The following CTNNA2 variants were observed in gnomAD, a reference collection of about 807,000 sequenced individuals.
The protein encoded by CTNNA2 is catenin alpha-2.
A neutral mutation model predicts 101.0 loss-of-function variants in CTNNA2; 42 were observed. That is an observed-to-expected ratio of 0.42 (90% confidence interval 0.32 to 0.54). The LOEUF is 0.54. Among genes scored for constraint, CTNNA2 ranks in the 20% least tolerant of loss-of-function variants. The pLI is 0.14. For synonymous variants in CTNNA2, 450 were observed against 456.4 expected, an observed-to-expected ratio of 0.99 and a Z score of 0.18; for missense variants, 871 against 1,223.1, an observed-to-expected ratio of 0.71 and a Z score of 4.29.
chr2:79,233,260 T>A (rs1248221569), intron 2 of CTNNA2, among the ~76,000 whole-genome samples: 2 of 152,220 alleles, frequency 1.3e-5, no homozygotes, highest in South Asian at 4.1e-4. Context: ...TGTGTCTCTA[T>A]ATTCATTAAT....
chr2:80,279,668 G>T (rs148893684), intron 7 of CTNNA2, among the ~76,000 whole-genome samples: 2 of 152,252 alleles, frequency 1.3e-5, no homozygotes, highest in Non-Finnish European at 2.9e-5. Flanking sequence ...TGTATCAATA[G>T]AGTCAATTTC....
At chr2:79,998,014 C>G (rs1321043027) in intron 7 of CTNNA2, among the ~76,000 whole-genome samples, 1 of 152,068 alleles carries the variant, frequency 6.6e-6, no homozygotes, top group Non-Finnish European at 1.5e-5. Context: ...ACACTAAAAT[C>G]CTAATTAAAT....
rs377231458 is a variant in CTNNA2 at position 80,303,028 on chromosome 2, C to A, written c.1057-90183C>A. 2.5e-6 allele frequency: 4 copies of A among 1,613,714 alleles called. No homozygotes were observed. The highest frequency in any genetic ancestry group is 1.1e-5 in the South Asian group (1 of 91,062). ...GCTCCATGTACTCGATCTCGTTGCC[C>A]GACAAGTCCATTTTCTCCAGGTTCC... On this transcript the variant is annotated intron_variant, in intron 7 of 18. Transcript: ENST00000402739. The surrounding 1 kb of genome is among the most constrained non-coding windows in gnomAD (Gnocchi z 7.7).
chr2:79,848,596 T>C (rs1449175804), intron 3 of CTNNA2, among the ~76,000 whole-genome samples: 1 of 152,196 alleles, frequency 6.6e-6, no homozygotes, highest in Non-Finnish European at 1.5e-5. Flanking sequence ...ATACGGTTAA[T>C]GATCTGTGCC....
intron 3 of CTNNA2, among the ~76,000 whole-genome samples, chr2:79,760,865 C>T (rs1672741857): frequency 6.6e-6 from 1 of 152,082 alleles, no homozygotes; most frequent in Non-Finnish European, 1.5e-5. Context: ...CTTGTCCTAC[C>T]AAATGGAGGC....
chr2:80,558,401 C>A (rs1693232964), intron 12 of CTNNA2, among the ~76,000 whole-genome samples: 1 of 151,744 alleles, frequency 6.6e-6, no homozygotes. Context: ...TGAGGATGAC[C>A]ACAGGATCAG....
chr2:79,409,291 C>G (rs1049836886), intron 4 of CTNNA2, among the ~76,000 whole-genome samples: 1 of 152,090 alleles, frequency 6.6e-6, no homozygotes, highest in Non-Finnish European at 1.5e-5. Flanking sequence ...TGTGCAGAAG[C>G]ACTTTAGTTT....
intron 7 of CTNNA2, among the ~76,000 whole-genome samples, chr2:80,340,982 CA>C (rs1472794186): frequency 6.6e-6 from 1 of 152,014 alleles, no homozygotes; most frequent in Non-Finnish European, 1.5e-5. Context: ...TTAACTTTAC[CA>C]GTTTATTATA....
At chr2:79,678,899 A>G (rs1286415669) in intron 2 of CTNNA2, among the ~76,000 whole-genome samples, 1 of 152,116 alleles carries the variant, frequency 6.6e-6, no homozygotes, top group Non-Finnish European at 1.5e-5. Context: ...AGCTCCTTAA[A>G]ATCTACAGCA....
rs554199189 is a variant in CTNNA2 at position 79,485,000 on chromosome 2, T to C, written c.-134-20054T>C. ...TTCCAGAACATACTACATTGTTACA[T>C]AGAAAGAGCTAGAAATAAAACAGAT... is the stretch of plus-strand genomic sequence containing the variant. On this transcript the variant is annotated intron_variant, in intron 4 of 21. Transcript: ENST00000466387. 5.6e-4 allele frequency among the ~76,000 whole-genome samples: 86 copies of C among 152,296 alleles called. 1 individual carries two copies. Among genetic ancestry groups the C allele is most frequent in the African/African-American group, 1.9e-3 (81 of 41,572 alleles).
intron 2 of CTNNA2, among the ~76,000 whole-genome samples, chr2:79,216,423 G>A (rs570894133): frequency 1.1e-4 from 16 of 151,908 alleles, no homozygotes; most frequent in African/African-American, 2.4e-4. Context: ...GGGTTGGGGT[G>A]CAGAGATAAG....
intron 9 of CTNNA2, among the ~76,000 whole-genome samples, chr2:80,470,392 C>CA (rs140889514): frequency 0.031 from 4,724 of 152,234 alleles, 244 homozygotes; most frequent in African/African-American, 0.11. Context: ...AGCTGGCCCC[C>CA]TGCCTTCACA....
At chr2:80,580,051 T>C (rs1695393755) in intron 13 of CTNNA2, among the ~76,000 whole-genome samples, 1 of 152,224 alleles carries the variant, frequency 6.6e-6, no homozygotes, top group Admixed American at 6.5e-5. Flanking sequence ...GCACCATCCT[T>C]ACTACCGTTC....
upstream of CTNNA2, among the ~76,000 whole-genome samples, chr2:79,512,570 C>G (rs188610277): frequency 9.8e-4 from 149 of 151,820 alleles, 2 homozygotes; most frequent in East Asian, 0.024. Flanking sequence ...CCTATCCCCC[C>G]CGCCCCTATC....
At chr2:80,204,743 C>T (rs181533240) in intron 7 of CTNNA2, among the ~76,000 whole-genome samples, 63 of 151,988 alleles carry the variant, frequency 4.1e-4, no homozygotes, top group African/African-American at 1.2e-3. Context: ...TTTTCAGCAG[C>T]GCCCCACTCT....
intron 7 of CTNNA2, among the ~76,000 whole-genome samples, chr2:80,285,519 A>G (rs1326123818): frequency 6.6e-6 from 1 of 152,054 alleles, no homozygotes; most frequent in Non-Finnish European, 1.5e-5. Flanking sequence ...CTTCCAGGGG[A>G]TCCATGGAGA....
chr2:80,461,419 T>C (rs1684413323), intron 9 of CTNNA2, among the ~76,000 whole-genome samples: 2 of 152,118 alleles, frequency 1.3e-5, no homozygotes, highest in Admixed American at 1.3e-4. Context: ...CCGCTGCCCA[T>C]GCTGTATTCA....
chr2:80,555,368 T>C (rs1274399482), intron 11 of CTNNA2, among the ~76,000 whole-genome samples: 2 of 152,180 alleles, frequency 1.3e-5, no homozygotes, highest in Non-Finnish European at 2.9e-5. Context: ...GTCCTCAGAA[T>C]GTTGTCTTCA....
chr2:80,645,821 C>T (rs534281806), intron 18 of CTNNA2, among the ~76,000 whole-genome samples: 3 of 152,124 alleles, frequency 2.0e-5, no homozygotes, highest in African/African-American at 7.2e-5. Flanking sequence ...TTTTGTATGG[C>T]ATAATAGAAG....
Sources: allele counts gnomAD v4.1 joint callset (sites outside exome capture counted in the v4.1 genomes callset), GRCh38; gene constraint gnomAD v4.1.1; non-coding constraint Gnocchi (gnomAD v3.1); transcripts MANE v1.5; gene names NCBI Gene and HGNC (gene_info 2026-07-23, HGNC 2026-07-21).